Variants in RREB1 observed in about 807,000 individuals in gnomAD.
RREB1 encodes ras responsive element binding protein 1.
RREB1 carries 27 observed loss-of-function variants against 117.8 expected under a neutral mutation model. The ratio of observed to expected loss-of-function variants is 0.23; its 90% CI spans 0.17 to 0.32. The LOEUF is 0.32. Among genes scored for constraint, RREB1 ranks in the 10% least tolerant of loss-of-function variants. The pLI, the probability that RREB1 is intolerant of heterozygous loss-of-function variation, is 1.00. For missense variants in RREB1, 2,577 were observed against 2,378.2 expected, an observed-to-expected ratio of 1.08 and a Z score of -1.74; for synonymous variants, 1,298 against 1,026.7, an observed-to-expected ratio of 1.26 and a Z score of -5.05.
At chr6:7,195,810 T>C (rs1765636591) in intron 6 of RREB1, among the ~76,000 whole-genome samples, 2 of 152,198 alleles carry the variant, frequency 1.3e-5, no homozygotes, top group African/African-American at 2.4e-5. Flanking sequence ...CCGTTCCATC[T>C]TGTTTGTAAC....
At chr6:7,155,135 C>T (rs749078623) in intron 1 of RREB1, among the ~76,000 whole-genome samples, 9 of 152,186 alleles carry the variant, frequency 5.9e-5, no homozygotes, top group Non-Finnish European at 1.3e-4. Flanking sequence ...GTGTAATTTT[C>T]AGGCTTATGA....
In RREB1 at chr6:7,186,659, G is replaced by T. The variant is rs538583028; in HGVS notation, c.172-775G>T. 1.2e-4 allele frequency among the ~76,000 whole-genome samples: 19 copies of T among 152,300 alleles called. No homozygotes were observed. In the South Asian group the frequency reaches 3.9e-3, roughly 32 times the overall value. On this transcript the variant is annotated intron_variant, in intron 4 of 12. Transcript: ENST00000379938. ...TTTGGAAAGAGGATCTGTAGCATAG[G>T]GTTAGTGAACGACATTGGCTTTTTC...
At chr6:7,144,080 A>G (rs1010890675) in intron 1 of RREB1, among the ~76,000 whole-genome samples, 2 of 149,480 alleles carry the variant, frequency 1.3e-5, no homozygotes, top group African/African-American at 2.5e-5. Flanking sequence ...TTTTTTTTTT[A>G]TATTCTCAAA....
intron 10 of RREB1, among the ~76,000 whole-genome samples, chr6:7,238,685 G>T (rs949455171): frequency 1.3e-5 from 2 of 152,088 alleles, no homozygotes; most frequent in Non-Finnish European, 2.9e-5. Context: ...CAGTCAGTGG[G>T]GTTCTCCACT....
At chr6:7,165,333 A>G (rs1009020419) in intron 1 of RREB1, among the ~76,000 whole-genome samples, 1 of 152,230 alleles carries the variant, frequency 6.6e-6, no homozygotes, top group Non-Finnish European at 1.5e-5. Flanking sequence ...CAAACTGTTA[A>G]GGGAAGATAA....
intron 6 of RREB1, among the ~76,000 whole-genome samples, chr6:7,192,147 T>A (rs1002164391): frequency 1.3e-4 from 16 of 123,400 alleles, no homozygotes. Flanking sequence ...TTTTTTTGCA[T>A]CTATGGTTGG....
At position 7,181,428 on chromosome 6, in the gene RREB1, A is replaced by C. The variant is rs1581500864; in HGVS notation, c.-43+182A>C. On this transcript the variant is annotated intron_variant, in intron 3 of 12. Transcript: ENST00000379938. Reference sequence around the variant, plus strand: ...CTCCCCATCAGAATCACTGTATTGCAGCAGTGGAGTTAAATGAAACCTGAT... The same window carrying C: ...CTCCCCATCAGAATCACTGTATTGCCGCAGTGGAGTTAAATGAAACCTGAT... 9 of 415,314 alleles carry C rather than the reference A, an allele frequency of 2.2e-5. No homozygotes were observed. In the East Asian group the frequency reaches 3.2e-4, roughly 15 times the overall value. 25.7% of individuals were successfully genotyped at this position (415,314 alleles called of 1,614,324 possible).
chr6:7,193,129 G>A (rs2113565855), intron 6 of RREB1, among the ~76,000 whole-genome samples: 1 of 152,212 alleles, frequency 6.6e-6, no homozygotes, highest in South Asian at 2.1e-4. Flanking sequence ...TTCCATTATG[G>A]TCGGGGAAAT....
intron 1 of RREB1, among the ~76,000 whole-genome samples, chr6:7,139,923 T>C (rs1762489348): frequency 2.0e-5 from 3 of 152,240 alleles, no homozygotes; most frequent in African/African-American, 7.2e-5. Flanking sequence ...GCCTTTTTCA[T>C]TCCTATCAGG....
At chr6:7,170,927 TGTGCCAGCCCCCAGAGGGTTTCTGACTCG>T (rs1764174518) in intron 1 of RREB1, among the ~76,000 whole-genome samples, 1 of 152,230 alleles carries the variant, frequency 6.6e-6, no homozygotes. Context: ...CTCACACTGC[TGTGCCAGCCCCCAGAGGGTTTCTGACTCG>T]GTAGGTCTGG....
In RREB1 at chr6:7,231,424, C is replaced by A. The variant is rs866781104; in HGVS notation, c.3325C>A (p.Pro1109Thr). Residue 1109 changes from proline (P) to threonine (T), a missense_variant, in exon 10 of 13, where the codon CCC becomes ACC. Physicochemically the swap from Pro to Thr is conservative, Grantham distance 38. Coordinates refer to ENST00000379938, the MANE Select transcript of RREB1 (RefSeq NM_001003699.4). ...TTCAGACAGCTTAGGAGGTTCTGTCCCCAAAGCCGCCACCACCGCCACCCC... is the reference window on the plus strand; with the variant it reads ...TTCAGACAGCTTAGGAGGTTCTGTCACCAAAGCCGCCACCACCGCCACCCC... The part of the protein sequence containing the change: ...TASDSLGGSV[P>T]KAATTATPAA... The A allele has an allele frequency of 6.2e-7, 1 of 1,613,214 alleles. No homozygotes were observed. Among genetic ancestry groups the A allele is most frequent in the South Asian group, 1.1e-5 (1 of 91,070 alleles).
At chr6:7,207,154 G>T (rs1261811721) in intron 6 of RREB1, among the ~76,000 whole-genome samples, 1 of 152,198 alleles carries the variant, frequency 6.6e-6, no homozygotes, top group Non-Finnish European at 1.5e-5. Context: ...GCTAGTGTTT[G>T]TGCAATGTAT....
chr6:7,126,987 G>A (rs1761965847), intron 1 of RREB1, among the ~76,000 whole-genome samples: 1 of 152,220 alleles, frequency 6.6e-6, no homozygotes. Context: ...GTCATGTGGA[G>A]GAGGATGATG....
intron 10 of RREB1, among the ~76,000 whole-genome samples, chr6:7,235,568 G>T (rs1768265154): frequency 6.6e-6 from 1 of 152,220 alleles, no homozygotes; most frequent in Non-Finnish European, 1.5e-5. Flanking sequence ...GCTTTGCAAA[G>T]TATTGGGATT....
intron 1 of RREB1, among the ~76,000 whole-genome samples, chr6:7,174,902 C>T (rs1581491677): frequency 6.6e-6 from 1 of 152,048 alleles, no homozygotes; most frequent in African/African-American, 2.4e-5. Flanking sequence ...AGCCACCGCG[C>T]CTGGCCTATT....
chr6:7,228,141 T>C (rs889247251), intron 9 of RREB1, among the ~76,000 whole-genome samples: 2 of 152,192 alleles, frequency 1.3e-5, no homozygotes, highest in African/African-American at 4.8e-5. Flanking sequence ...ACAGTGTTGT[T>C]GTTCAAGTGT....
chr6:7,223,904 C>T (rs142761766), intron 8 of RREB1, among the ~76,000 whole-genome samples: 3,122 of 152,174 alleles, frequency 0.021, 115 homozygotes, highest in African/African-American at 0.071. Flanking sequence ...GTCTGTAATA[C>T]TTGTAATAAT....
At chr6:7,211,860 G>C (rs1441532254) in intron 8 of RREB1, 151 bp downstream of exon 8, 2 of 796,448 alleles carry the variant, frequency 2.5e-6, no homozygotes, top group East Asian at 2.7e-5. Flanking sequence ...TCGGTGTGGG[G>C]AAAAAGTTGG....
At chr6:7,145,987 CTT>C (rs58735926) in intron 1 of RREB1, among the ~76,000 whole-genome samples, 18,234 of 151,572 alleles carry the variant, frequency 0.12, 1,853 homozygotes, top group African/African-American at 0.28. Context: ...CTCTCTCTCT[CTT>C]TCCCTACCCC....
Sources: gnomAD v4.1 joint callset for allele counts (sites outside exome capture counted in the v4.1 genomes callset) on GRCh38, gnomAD v4.1.1 for gene constraint, MANE v1.5 for transcripts, NCBI Gene and HGNC (gene_info 2026-07-23, HGNC 2026-07-21) for gene names.